CDIN1: variants seen among roughly 807,000 people sequenced by gnomAD.
The protein encoded by CDIN1 is CDAN1 interacting nuclease 1.
Under a neutral mutation model 45.3 loss-of-function variants are expected in CDIN1, and 33 were observed. The ratio of observed to expected loss-of-function variants is 0.73; its 90% CI spans 0.55 to 0.97. CDIN1 has a LOEUF of 0.97. Among genes scored for constraint, CDIN1 ranks in the 50% least tolerant of loss-of-function variants. CDIN1 has a pLI of 0.00. For missense variants in CDIN1, 303 were observed against 339.4 expected, an observed-to-expected ratio of 0.89 and a Z score of 0.84; for synonymous variants, 118 against 124.4, an observed-to-expected ratio of 0.95 and a Z score of 0.34.
chr15:36,618,337 C>G, intron 1 of CDIN1: 1 of 677,072 alleles, frequency 1.5e-6, no homozygotes, highest in Non-Finnish European at 2.7e-6. Context: ...CCTACAGTAA[C>G]TGGGGATTAG....
rs145406954 is a variant in CDIN1 at position 36,809,283 on chromosome 15, T to G, written c.*830T>G. 1 of 231,370 alleles carries G rather than the reference T, an allele frequency of 4.3e-6. No homozygotes were observed. The highest frequency in any genetic ancestry group is 2.3e-5 in the African/African-American group (1 of 43,388). 14.3% of individuals were successfully genotyped at this position (231,370 alleles called of 1,614,324 possible). A position where few individuals can be genotyped will look rare whatever the true frequency, so the allele number is the denominator to read the frequency against. Reference sequence around the variant, plus strand: ...TTTTAAACATGGCTAGTTGTCAGTATGTACGTGAGCTAGTATTTTTATGAG... The same window carrying G: ...TTTTAAACATGGCTAGTTGTCAGTAGGTACGTGAGCTAGTATTTTTATGAG... On this transcript the variant is annotated 3_prime_UTR_variant, in exon 11 of 11. Coordinates refer to ENST00000566621, the MANE Select transcript of CDIN1 (RefSeq NM_001321759.2).
intron 8 of CDIN1, chr15:36,708,491 A>G (rs1212425513): frequency 7.2e-6 from 1 of 139,632 alleles, no homozygotes; most frequent in Non-Finnish European, 1.5e-5. Flanking sequence ...TTAAACAATC[A>G]CCTTTCTAGT....
chr15:36,808,290 C>G, intron 10 of CDIN1, 34 bp from the exon 11 acceptor site: 1 of 1,610,864 alleles, frequency 6.2e-7, no homozygotes, highest in South Asian at 1.1e-5. Context: ...CTGTTGATAC[C>G]ATGTGTGTGT....
chr15:36,607,968 G>A (rs73379842), intron 1 of CDIN1, among the ~76,000 whole-genome samples: 5,728 of 152,160 alleles, frequency 0.038, 273 homozygotes, highest in South Asian at 0.1. Context: ...TATACAATAC[G>A]ACTAGCTTTA....
At chr15:36,582,685 G>C (rs1230006850) in intron 1 of CDIN1, among the ~76,000 whole-genome samples, 1 of 152,192 alleles carries the variant, frequency 6.6e-6, no homozygotes, top group African/African-American at 2.4e-5. Context: ...GCCACACTTA[G>C]ACAATCACTA....
chr15:36,666,013 T>C (rs967692202), intron 5 of CDIN1, among the ~76,000 whole-genome samples: 1 of 152,216 alleles, frequency 6.6e-6, no homozygotes, highest in African/African-American at 2.4e-5. Context: ...AGATTTGTTT[T>C]TCTTCTTTAG....
intron 1 of CDIN1, chr15:36,594,852 A>G: frequency 2.0e-6 from 2 of 981,438 alleles, no homozygotes; most frequent in Non-Finnish European, 2.4e-6. Context: ...AAGCTTATTT[A>G]TAGCAAGTTG....
chr15:36,706,634 G>C (rs2042876834), intron 8 of CDIN1: 1 of 151,130 alleles, frequency 6.6e-6, no homozygotes, highest in Non-Finnish European at 1.5e-5. Flanking sequence ...CAAAAAAAAA[G>C]GTTGACTTCA....
intron 8 of CDIN1, among the ~76,000 whole-genome samples, chr15:36,698,325 A>G (rs1030208330): frequency 1.3e-5 from 2 of 152,200 alleles, no homozygotes; most frequent in Non-Finnish European, 2.9e-5. Flanking sequence ...ATGTATTATA[A>G]GATTGTTTTA....
At chr15:36,703,351 C>G (rs28496804) in intron 8 of CDIN1, among the ~76,000 whole-genome samples, 1 of 51,830 alleles carries the variant, frequency 1.9e-5, no homozygotes, top group African/African-American at 1.2e-4. Flanking sequence ...CAGATATATA[C>G]ATATATCAGA....
intron 5 of CDIN1, among the ~76,000 whole-genome samples, chr15:36,664,029 A>C (rs529818682): frequency 1.3e-5 from 2 of 152,226 alleles, no homozygotes; most frequent in African/African-American, 4.8e-5. Flanking sequence ...CAATGAAAGT[A>C]ATAAAGGAAA....
rs1049427685 is a variant in CDIN1, at chr15:36,652,307, A to C, written c.213-1791A>C. ...CAGAACCTGGAATAAGGCCTGACAC[A>C]TAGCGCTCCAAAATACTTGTCGGGT... On this transcript the variant is annotated intron_variant, in intron 3 of 10. Coordinates refer to ENST00000566621, the MANE Select transcript of CDIN1 (RefSeq NM_001321759.2). Among the ~76,000 whole-genome samples the C allele has an allele frequency of 2.0e-5, 3 of 152,324 alleles. No individual in the cohort carries two copies. In the East Asian group the frequency reaches 5.8e-4, roughly 29 times the overall value.
At chr15:36,756,789 T>C (rs2140985997) in intron 10 of CDIN1, among the ~76,000 whole-genome samples, 1 of 152,270 alleles carries the variant, frequency 6.6e-6, no homozygotes, top group South Asian at 2.1e-4. Flanking sequence ...CCTTTCTTTC[T>C]GACAAATGAT....
Position 36,654,374 on chromosome 15 carries a change from T to A in CDIN1, c.273+216T>A, listed in dbSNP as rs532385874. ...GTTGACATAATTAGTCTACTTCTTT[T>A]AAGGCAAATGTATAAACAGCCTCTT... On this transcript the variant is annotated intron_variant, in intron 4 of 10. Transcript: ENST00000566621. Among the ~76,000 whole-genome samples, 4 of 152,296 alleles carry A rather than the reference T, an allele frequency of 2.6e-5. No homozygotes were observed. The East Asian group carries it at 7.7e-4, about 29-fold the overall frequency.
chr15:36,633,767 T>G (rs952590881), intron 1 of CDIN1, among the ~76,000 whole-genome samples: 1 of 151,550 alleles, frequency 6.6e-6, no homozygotes, highest in Non-Finnish European at 1.5e-5. Context: ...TTTTTTTTTT[T>G]TCTTTCCTGA....
At chr15:36,793,162 T>C (rs534142141) in intron 10 of CDIN1, among the ~76,000 whole-genome samples, 26 of 152,300 alleles carry the variant, frequency 1.7e-4, no homozygotes, top group Admixed American at 1.2e-3. Flanking sequence ...GCCTTCTGCA[T>C]AGCTCTCTTA....
At chr15:36,789,069 CA>C (rs1431772376) in intron 10 of CDIN1, among the ~76,000 whole-genome samples, 1 of 152,100 alleles carries the variant, frequency 6.6e-6, no homozygotes, top group Non-Finnish European at 1.5e-5. Context: ...AAAACAATCA[CA>C]AAAAAATCTC....
chr15:36,709,712 T>C (rs982197782), intron 9 of CDIN1, 144 bp from the exon 10 acceptor site: 1 of 596,478 alleles, frequency 1.7e-6, no homozygotes, highest in African/African-American at 1.8e-5. Flanking sequence ...ATATACAGTG[T>C]GTTGTTTTGT....
At chr15:36,769,660 C>T (rs2054016769) in intron 10 of CDIN1, among the ~76,000 whole-genome samples, 1 of 152,076 alleles carries the variant, frequency 6.6e-6, no homozygotes, top group African/African-American at 2.4e-5. Context: ...CTGTTAACTC[C>T]ATTCTACTGA....
Sources: allele counts gnomAD v4.1 joint callset (sites outside exome capture counted in the v4.1 genomes callset), GRCh38; gene constraint gnomAD v4.1.1; transcripts MANE v1.5; gene names NCBI Gene and HGNC (gene_info 2026-07-23, HGNC 2026-07-21).